The following BCL2 variants were observed in gnomAD, a reference collection of about 807,000 sequenced individuals.
BCL2 encodes BCL2 apoptosis regulator.
A neutral mutation model predicts 14.2 loss-of-function variants in BCL2; 1 was observed. That is an observed-to-expected ratio of 0.07 (90% CI 0.02 to 0.33). The LOEUF (loss-of-function observed/expected upper bound fraction) is 0.33, where lower values mean the gene tolerates loss of function less well. BCL2 is among the 10% of genes least tolerant of loss of function. The probability of loss-of-function intolerance (pLI) is 0.99; values close to 1 mark genes in which losing one functional copy is unlikely to be tolerated. For synonymous variants in BCL2, 151 were observed against 137.2 expected (o/e 1.10, Z -0.70); for missense variants, 247 against 305.9 (o/e 0.81, Z 1.44).
intron 2 of BCL2, among the ~76,000 whole-genome samples, chr18:63,277,356 G>A (rs1599285932): frequency 1.3e-5 from 2 of 152,090 alleles, no homozygotes; most frequent in East Asian, 3.9e-4. Context: ...TTCTTGGCCG[G>A]GTGTGGCGGC....
Position 63,312,963 on chromosome 18 carries a change from C to T in BCL2, c.585+5119G>A, listed in dbSNP as rs532125937. Among the ~76,000 whole-genome samples the T allele has an allele frequency of 3.9e-5, 6 of 152,298 alleles. No homozygotes were observed. The South Asian group carries it at 6.2e-4, about 16-fold the overall frequency. On this transcript the variant is annotated intron_variant, in intron 2 of 2. Coordinates refer to ENST00000333681, the MANE Select transcript of BCL2 (RefSeq NM_000633.3). Reference sequence around the variant, plus strand: ...TTCAGTTCTCTTAAGCATATGTCTACGTTACACAGTATTTTTTAAAGTATC... The same window carrying T: ...TTCAGTTCTCTTAAGCATATGTCTATGTTACACAGTATTTTTTAAAGTATC...
chr18:63,268,604 G>A lies in BCL2; in HGVS notation c.585+49478C>T, dbSNP rs1911908415. Among the ~76,000 whole-genome samples the A allele has an allele frequency of 2.0e-5, 3 of 152,178 alleles. No homozygotes were observed. The South Asian group carries it at 6.2e-4, about 32-fold the overall frequency. ...TTTTGTGAGTCTAGTTCTGAGCAAG[G>A]GTTTACATTGGTTTCACGACAGTGT... On this transcript the variant is annotated intron_variant, in intron 2 of 2. Transcript: ENST00000333681.
intron 2 of BCL2, among the ~76,000 whole-genome samples, chr18:63,240,123 G>T (rs1311405516): frequency 1.3e-5 from 2 of 152,136 alleles, no homozygotes; most frequent in Non-Finnish European, 2.9e-5. Flanking sequence ...CCAAGTAGCT[G>T]GGACTACAGA....
At chr18:63,215,045 A>T (rs572106143) in intron 2 of BCL2, among the ~76,000 whole-genome samples, 1 of 152,154 alleles carries the variant, frequency 6.6e-6, no homozygotes, top group Admixed American at 6.5e-5. Flanking sequence ...ACTTCCCCAG[A>T]ACCCAACTCT....
intron 2 of BCL2, among the ~76,000 whole-genome samples, chr18:63,286,473 A>C (rs1390734776): frequency 6.6e-6 from 1 of 152,110 alleles, no homozygotes; most frequent in African/African-American, 2.4e-5. Context: ...AGTTGAACGT[A>C]GCTGGGACGT....
At chr18:63,267,398 T>G (rs1219912739) in intron 2 of BCL2, among the ~76,000 whole-genome samples, 2 of 150,938 alleles carry the variant, frequency 1.3e-5, no homozygotes, top group African/African-American at 4.9e-5. Context: ...GGGGATGGAG[T>G]GGGGAAGACA....
chr18:63,174,874 C>T (rs1165057360), intron 2 of BCL2, among the ~76,000 whole-genome samples: 1 of 149,310 alleles, frequency 6.7e-6, no homozygotes, highest in Admixed American at 6.7e-5. Context: ...CCCTCAATCT[C>T]TCTGTCATCT....
chr18:63,240,590 A>C (rs1910973185), intron 2 of BCL2, among the ~76,000 whole-genome samples: 1 of 152,232 alleles, frequency 6.6e-6, no homozygotes, highest in African/African-American at 2.4e-5. Context: ...AATTCCATGA[A>C]GGAAATTAGC....
chr18:63,274,510 C>T (rs34272291), intron 2 of BCL2, among the ~76,000 whole-genome samples: 44,097 of 151,822 alleles, frequency 0.29, 7,332 homozygotes, highest in Middle Eastern at 0.42. Context: ...GTCTCAAACT[C>T]CTGACTTCAA....
chr18:63,158,896 AG>A (rs1914848674), intron 2 of BCL2, among the ~76,000 whole-genome samples: 1 of 152,208 alleles, frequency 6.6e-6, no homozygotes, highest in African/African-American at 2.4e-5. Context: ...CTTTAAAAAA[AG>A]GATCTCTCTT....
At chr18:63,245,168 G>A (rs1478761153) in intron 2 of BCL2, among the ~76,000 whole-genome samples, 2 of 152,150 alleles carry the variant, frequency 1.3e-5, no homozygotes, top group Non-Finnish European at 2.9e-5. Context: ...CCCAAGTTGT[G>A]TGGTGCCAGA....
At chr18:63,158,054 C>T (rs1914827655) in intron 2 of BCL2, among the ~76,000 whole-genome samples, 1 of 151,972 alleles carries the variant, frequency 6.6e-6, no homozygotes. Flanking sequence ...AGAAAAGCTC[C>T]AAGTCCATCT....
rs193133544 is a variant in BCL2 at position 63,268,081 on chromosome 18, A to G, written c.585+50001T>C. Among the ~76,000 whole-genome samples, 305 of 152,332 alleles carry G rather than the reference A, an allele frequency of 2.0e-3. 1 individual carries two copies. The highest frequency in any genetic ancestry group is 3.9e-3 in the Non-Finnish European group (264 of 68,016). ...CTTTTCACGCATGGCGGAAGCCACT[A>G]GAAAGCTGTCACTGTTGTGTATGTG... On this transcript the variant is annotated intron_variant, in intron 2 of 2. Transcript: ENST00000333681.
intron 2 of BCL2, among the ~76,000 whole-genome samples, chr18:63,213,813 C>T (rs556436186): frequency 4.6e-5 from 7 of 152,082 alleles, no homozygotes; most frequent in South Asian, 2.1e-4. Flanking sequence ...TTTCTCAGAG[C>T]GGGCTGGTCA....
At chr18:63,213,170 T>C (rs1480319403) in intron 2 of BCL2, among the ~76,000 whole-genome samples, 1 of 152,190 alleles carries the variant, frequency 6.6e-6, no homozygotes, top group Non-Finnish European at 1.5e-5. Context: ...GATTCTCCAA[T>C]AAAAATGTAT....
chr18:63,148,267 A>G (rs1049695292), intron 2 of BCL2, among the ~76,000 whole-genome samples: 2 of 151,998 alleles, frequency 1.3e-5, no homozygotes, highest in Non-Finnish European at 2.9e-5. Context: ...TTAAGTCAGT[A>G]TTTTTTCCTT....
chr18:63,158,002 C>T lies in BCL2; in HGVS notation c.586-29243G>A, dbSNP rs191912219. Among the ~76,000 whole-genome samples the T allele has an allele frequency of 2.6e-5, 4 of 151,570 alleles. No homozygotes were observed. In the East Asian group the frequency reaches 7.8e-4, roughly 29 times the overall value. On this transcript the variant is annotated intron_variant, in intron 2 of 2. Transcript: ENST00000333681. ...AACAAAAACAAACATATACAGAGTT[C>T]GGCGTAGCAGGAAAAAGAAACTCAG... is the stretch of plus-strand genomic sequence containing the variant.
At chr18:63,206,869 A>C (rs1909851800) in intron 2 of BCL2, among the ~76,000 whole-genome samples, 1 of 151,966 alleles carries the variant, frequency 6.6e-6, no homozygotes. Context: ...AGGAAGGAAG[A>C]GGCCGGTCAG....
chr18:63,247,924 GA>G (rs925393925), intron 2 of BCL2, among the ~76,000 whole-genome samples: 13 of 150,908 alleles, frequency 8.6e-5, no homozygotes, highest in East Asian at 7.8e-4. Context: ...CTTTAGCAAG[GA>G]AAAAAAAATT....
Sources: allele counts gnomAD v4.1 joint callset (sites outside exome capture counted in the v4.1 genomes callset), GRCh38; gene constraint gnomAD v4.1.1; transcripts MANE v1.5; gene names NCBI Gene and HGNC (gene_info 2026-07-23, HGNC 2026-07-21).